Variants in LIN7A observed in about 807,000 individuals in gnomAD.
LIN7A encodes protein lin-7 homolog A.
A neutral mutation model predicts 29.8 loss-of-function variants in LIN7A; 25 were observed. The observed-to-expected ratio is 0.84, with a 90% CI of 0.61 to 1.17. LIN7A has a LOEUF of 1.17. LIN7A is among the 50% of genes most tolerant of loss of function. The pLI is 0.00. For missense variants in LIN7A, 239 were observed against 287.0 expected, an observed-to-expected ratio of 0.83 and a Z score of 1.21; for synonymous variants, 118 against 107.5, an observed-to-expected ratio of 1.10 and a Z score of -0.60.
chr12:80,846,928 A>G (rs1337844651), intron 3 of LIN7A, among the ~76,000 whole-genome samples: 1 of 152,206 alleles, frequency 6.6e-6, no homozygotes, highest in Non-Finnish European at 1.5e-5. Context: ...GCCTGCTATA[A>G]AGTGACTTAC....
chr12:80,831,653 T>G (rs754709216), intron 4 of LIN7A, among the ~76,000 whole-genome samples: 8 of 152,218 alleles, frequency 5.3e-5, no homozygotes, highest in Non-Finnish European at 1.2e-4. Context: ...TTACAAATCC[T>G]GTCCCATAAC....
intron 1 of LIN7A, among the ~76,000 whole-genome samples, chr12:80,893,434 C>T (rs1875729367): frequency 6.6e-6 from 1 of 151,970 alleles, no homozygotes; most frequent in Non-Finnish European, 1.5e-5. Flanking sequence ...CTAAGACCAT[C>T]AAAAGCTGAG....
intron 2 of LIN7A, among the ~76,000 whole-genome samples, chr12:80,880,770 C>G (rs1167320080): frequency 7.0e-6 from 1 of 142,252 alleles, no homozygotes; most frequent in African/African-American, 2.6e-5. Flanking sequence ...CACACACACA[C>G]ACACATACAC....
chr12:80,857,852 A>G (rs1266750141), intron 2 of LIN7A, among the ~76,000 whole-genome samples: 1 of 152,168 alleles, frequency 6.6e-6, no homozygotes, highest in Admixed American at 6.6e-5. Context: ...AATGATGTTT[A>G]TAGATTAAGT....
At chr12:80,865,553 G>C (rs1434633640) in intron 2 of LIN7A, among the ~76,000 whole-genome samples, 1 of 152,200 alleles carries the variant, frequency 6.6e-6, no homozygotes, top group Non-Finnish European at 1.5e-5. Context: ...TGTCATATTA[G>C]ACAACAATGT....
intron 2 of LIN7A, among the ~76,000 whole-genome samples, chr12:80,881,643 A>G (rs1565913854): frequency 6.6e-6 from 1 of 152,106 alleles, no homozygotes; most frequent in African/African-American, 2.4e-5. Flanking sequence ...ATATATATAT[A>G]TATGTACACA....
At position 80,820,031 on chromosome 12, in the gene LIN7A, C is replaced by T. The variant is rs575621539; in HGVS notation, c.484-8348G>A. 5.9e-5 allele frequency among the ~76,000 whole-genome samples: 9 copies of T among 152,296 alleles called. No homozygotes were observed. In the South Asian group the frequency reaches 1.2e-3, roughly 21 times the overall value. On this transcript the variant is annotated intron_variant, in intron 4 of 5. Coordinates refer to ENST00000552864, the MANE Select transcript of LIN7A (RefSeq NM_004664.4). ...TAAAACTATCTAGGTGAATCCACTG[C>T]TGTTAATCATCCTCAAGTAATTTAG... is the stretch of plus-strand genomic sequence containing the variant.
intron 4 of LIN7A, among the ~76,000 whole-genome samples, chr12:80,827,918 C>T (rs973181990): frequency 2.6e-5 from 4 of 152,020 alleles, no homozygotes; most frequent in South Asian, 2.1e-4. Flanking sequence ...TCATTCTGGA[C>T]GTTTTTTTTG....
intron 2 of LIN7A, among the ~76,000 whole-genome samples, chr12:80,871,625 A>G (rs980352289): frequency 2.0e-5 from 3 of 152,046 alleles, no homozygotes; most frequent in African/African-American, 7.2e-5. Flanking sequence ...AAGAAAACCA[A>G]TACTTTTAAA....
chr12:80,841,496 A>T (rs1592884319), intron 4 of LIN7A, among the ~76,000 whole-genome samples: 1 of 152,118 alleles, frequency 6.6e-6, no homozygotes, highest in Non-Finnish European at 1.5e-5. Flanking sequence ...GAGCCCCTAC[A>T]ATCACATTAT....
intron 2 of LIN7A, among the ~76,000 whole-genome samples, chr12:80,857,286 T>G (rs1175722635): frequency 6.6e-6 from 1 of 152,148 alleles, no homozygotes; most frequent in African/African-American, 2.4e-5. Flanking sequence ...CAATCTATAT[T>G]TTATCAGAAA....
rs1870276288 is a variant in LIN7A, at chr12:80,793,046, T to C, written c.*4681A>G. The C allele has an allele frequency of 6.6e-6, 1 of 150,774 alleles. No individual in the cohort carries two copies. Among genetic ancestry groups the C allele is most frequent in the Non-Finnish European group, 1.5e-5 (1 of 68,026 alleles). 9.3% of individuals were successfully genotyped at this position (150,774 alleles called of 1,614,324 possible). On this transcript the variant is annotated 3_prime_UTR_variant, in exon 6 of 6. Transcript: ENST00000552864. The stretch of plus-strand genomic sequence containing the variant: ...ATACAGTGACTCACTTAGTGACTCA[T>C]TCATTTTAATGTAATGGTGTCCCCC...
At chr12:80,871,148 T>C (rs2120496568) in intron 2 of LIN7A, among the ~76,000 whole-genome samples, 1 of 152,264 alleles carries the variant, frequency 6.6e-6, no homozygotes, top group Non-Finnish European at 1.5e-5. Context: ...AAATTCAGCT[T>C]TTTTTCCTCT....
intron 5 of LIN7A, among the ~76,000 whole-genome samples, chr12:80,803,012 G>C (rs1207013500): frequency 3.3e-5 from 5 of 152,132 alleles, no homozygotes; most frequent in Non-Finnish European, 5.9e-5. Flanking sequence ...AGTTGTTTAA[G>C]TTCCATACAT....
At chr12:80,930,340 C>A (rs923772199) in intron 1 of LIN7A, among the ~76,000 whole-genome samples, 1 of 151,942 alleles carries the variant, frequency 6.6e-6, no homozygotes, top group Non-Finnish European at 1.5e-5. Flanking sequence ...TATTACTTAG[C>A]AAAATTCAAT....
Position 80,845,902 on chromosome 12 carries a change from G to A in LIN7A, c.311C>T (p.Ser104Phe). Residue 104 changes from serine to phenylalanine, a missense_variant, in exon 4 of 6, where the codon TCC (serine) becomes TTC (phenylalanine). Ser to Phe is a radical substitution (Grantham distance 155). Coordinates refer to ENST00000552864, the MANE Select transcript of LIN7A (RefSeq NM_004664.4). ...TGGCAGTTCAACTACTCGAGGGTGG[G>A]AGTGGCCTTCACTAGCTGCAAAAGC... Reference protein sequence around the residue: ...VAAFAASEGHSHPRVVELPKT... With the variant: ...VAAFAASEGHFHPRVVELPKT... 6.2e-7 allele frequency: 1 copy of A among 1,610,038 alleles called. No homozygotes were observed. Among genetic ancestry groups the A allele is most frequent in the Non-Finnish European group, 8.5e-7 (1 of 1,178,396 alleles).
intron 1 of LIN7A, among the ~76,000 whole-genome samples, chr12:80,920,373 G>A (rs1314131326): frequency 6.6e-6 from 1 of 152,110 alleles, no homozygotes; most frequent in African/African-American, 2.4e-5. Context: ...CTGGGTTAAG[G>A]TAAAATTGGT....
intron 4 of LIN7A, among the ~76,000 whole-genome samples, chr12:80,825,925 G>A (rs1210038986): frequency 1.3e-5 from 2 of 152,198 alleles, no homozygotes; most frequent in Non-Finnish European, 2.9e-5. Flanking sequence ...AAACATCAGG[G>A]GGAAATACAG....
chr12:80,858,995 G>A (rs1246611535), intron 2 of LIN7A, among the ~76,000 whole-genome samples: 1 of 152,134 alleles, frequency 6.6e-6, no homozygotes, highest in African/African-American at 2.4e-5. Flanking sequence ...CAGTGAATAA[G>A]AGCCAACCTG....
Sources: allele counts gnomAD v4.1 joint callset (sites outside exome capture counted in the v4.1 genomes callset), GRCh38; gene constraint gnomAD v4.1.1; transcripts MANE v1.5; gene names NCBI Gene and HGNC (gene_info 2026-07-23, HGNC 2026-07-21).